Variants in FAM13A observed in about 807,000 individuals in gnomAD.
The protein encoded by FAM13A is family with sequence similarity 13 member A.
Under a neutral mutation model 129.6 loss-of-function variants are expected in FAM13A, and 76 were observed. The ratio of observed to expected loss-of-function variants is 0.59; its 90% CI spans 0.49 to 0.71. FAM13A has a LOEUF of 0.71. FAM13A is among the 30% of genes least tolerant of loss of function. FAM13A has a pLI of 0.00. For missense variants in FAM13A, 1,108 were observed against 1,249.3 expected, an observed-to-expected ratio of 0.89 and a Z score of 1.70; for synonymous variants, 443 against 449.9, an observed-to-expected ratio of 0.98 and a Z score of 0.20.
intron 1 of FAM13A, among the ~76,000 whole-genome samples, chr4:89,041,687 G>A (rs534619829): frequency 1.3e-5 from 2 of 152,216 alleles, no homozygotes; most frequent in African/African-American, 4.8e-5. Context: ...TTGGGAAGCC[G>A]AGGGGGATGG....
chr4:88,851,437 A>T (rs765051753), intron 6 of FAM13A, among the ~76,000 whole-genome samples: 2 of 152,148 alleles, frequency 1.3e-5, no homozygotes, highest in Non-Finnish European at 2.9e-5. Context: ...GAACATTTCT[A>T]TTCTGGCAGA....
rs772000939 is a variant in FAM13A, at chr4:89,020,546, G to C, written c.341C>G (p.Ala114Gly). ...CCTCAGAAACAGCTTCAACAGACTGGCTGCTGAGCAGACATCACCGTCCTT... is the reference window on the plus strand; with the variant it reads ...CCTCAGAAACAGCTTCAACAGACTGCCTGCTGAGCAGACATCACCGTCCTT... ...LGKDGDVCSA[A>G]SLLKLFLREL... is the part of the protein sequence containing the mutation. The change falls in exon 3 of 24, where the codon GCC (alanine) becomes GGC (glycine). Residue 114 changes from alanine (A) to glycine (G), a missense_variant. Ala to Gly is a moderately conservative substitution (Grantham distance 60). Around this residue, in one of 3 missense-constraint regions of FAM13A, gnomAD observed 566 missense variants for 595.7 expected, o/e 0.95. Coordinates refer to ENST00000264344, the MANE Select transcript of FAM13A (RefSeq NM_014883.4). The C allele has an allele frequency of 2.5e-6, 4 of 1,614,014 alleles. No individual in the cohort carries two copies. Among genetic ancestry groups the C allele is most frequent in the Middle Eastern group, 1.7e-4 (1 of 6,058 alleles).
chr4:88,850,934 C>T, intron 7 of FAM13A, 86 bp downstream of exon 7: 1 of 1,195,276 alleles, frequency 8.4e-7, no homozygotes, highest in South Asian at 1.4e-5. Context: ...AGTGGCAGAT[C>T]AATGCAGAAA....
At chr4:88,850,320 C>T (rs1025425909) in intron 7 of FAM13A, among the ~76,000 whole-genome samples, 124 of 151,738 alleles carry the variant, frequency 8.2e-4, no homozygotes, top group African/African-American at 2.7e-3. Context: ...TTTGGGAGGC[C>T]GAGGTAGAGG....
chr4:88,848,321 T>C (rs1236890680), intron 7 of FAM13A, among the ~76,000 whole-genome samples: 3 of 152,242 alleles, frequency 2.0e-5, no homozygotes, highest in Non-Finnish European at 2.9e-5. Flanking sequence ...AGCTGGTCTC[T>C]GGATTCCCTC....
intron 7 of FAM13A, among the ~76,000 whole-genome samples, chr4:88,813,808 A>G (rs922547740): frequency 6.6e-6 from 1 of 152,172 alleles, no homozygotes; most frequent in Admixed American, 6.5e-5. Flanking sequence ...GATGATGAGC[A>G]GCAACTGGAA....
At chr4:88,814,177 A>G (rs189155474) in intron 7 of FAM13A, among the ~76,000 whole-genome samples, 12 of 152,286 alleles carry the variant, frequency 7.9e-5, no homozygotes, top group Admixed American at 7.2e-4. Flanking sequence ...TAGAAAGGTT[A>G]ATTAACAGGC....
chr4:88,938,156 A>T lies in FAM13A; in HGVS notation c.691T>A (p.Phe231Ile). 1 of 1,612,896 alleles carries T rather than the reference A, an allele frequency of 6.2e-7. No individual in the cohort carries two copies. Among genetic ancestry groups the T allele is most frequent in the East Asian group, 2.2e-5 (1 of 44,870 alleles). ...TCATTTTCTGTATACTCTACTTCAAACAGGGTATTGTAATTTTCTAGAATT... is the reference window on the plus strand; with the variant it reads ...TCATTTTCTGTATACTCTACTTCAATCAGGGTATTGTAATTTTCTAGAATT... ...AKILENYNTL[F>I]EVEYTENDHL... The change falls in exon 5 of 24, where the codon TTT (phenylalanine) becomes ATT (isoleucine). Residue 231 changes from phenylalanine (F) to isoleucine (I), a missense_variant. Phe to Ile is a conservative substitution (Grantham distance 21). This residue lies in a region of FAM13A where 566 missense variants were observed against 595.7 expected (regional missense o/e 0.95). Coordinates refer to ENST00000264344, the MANE Select transcript of FAM13A (RefSeq NM_014883.4).
intron 4 of FAM13A, among the ~76,000 whole-genome samples, chr4:88,958,733 C>T (rs1329952238): frequency 3.9e-5 from 6 of 152,188 alleles, no homozygotes; most frequent in Admixed American, 1.3e-4. Flanking sequence ...CCCACTAGGG[C>T]ACTGTCTAGT....
chr4:89,023,689 T>C (rs1023618656), intron 2 of FAM13A, among the ~76,000 whole-genome samples: 1 of 152,190 alleles, frequency 6.6e-6, no homozygotes, highest in African/African-American at 2.4e-5. Flanking sequence ...AACAACTCTT[T>C]TCCCTCAGGA....
chr4:88,816,214 A>G (rs76078651), intron 7 of FAM13A, among the ~76,000 whole-genome samples: 68 of 152,332 alleles, frequency 4.5e-4, no homozygotes, highest in Non-Finnish European at 9.4e-4. Context: ...TGGGAAATAA[A>G]CTAAAAACTA....
chr4:88,803,606 AG>A (rs1321206588), intron 8 of FAM13A, among the ~76,000 whole-genome samples: 1 of 152,216 alleles, frequency 6.6e-6, no homozygotes, highest in Non-Finnish European at 1.5e-5. Flanking sequence ...CGTGCTCAGC[AG>A]CATCCTGATG....
At chr4:88,934,818 A>C (rs1319122652) in intron 5 of FAM13A, among the ~76,000 whole-genome samples, 2 of 152,244 alleles carry the variant, frequency 1.3e-5, no homozygotes, top group Non-Finnish European at 2.9e-5. Flanking sequence ...TATTTGCCAA[A>C]TTCAACAAAA....
intron 17 of FAM13A, 97 bp downstream of exon 17, chr4:88,748,855 G>T: frequency 1.2e-6 from 1 of 863,012 alleles, no homozygotes. Flanking sequence ...TTTAAGGACC[G>T]GGGAATGCCT....
rs1762872944 is a variant in FAM13A at position 88,991,091 on chromosome 4, T to C, written c.487A>G (p.Thr163Ala). The C allele has an allele frequency of 9.9e-6, 16 of 1,613,840 alleles. No individual in the cohort carries two copies. The highest frequency in any genetic ancestry group is 1.3e-5 in the Non-Finnish European group (15 of 1,179,758). The change falls in exon 4 of 24, where the codon ACC becomes GCC. Residue 163 changes from threonine to alanine, a missense_variant. This residue lies in a region of FAM13A where 566 missense variants were observed against 595.7 expected (regional missense o/e 0.95). Transcript: ENST00000264344. The stretch of plus-strand genomic sequence containing the variant: ...AGGTACTTGAGGAGGCAGTAGTGGG[T>C]GTCTGGCAGCTCTTTTATTAAGTCT... ...LRDLIKELPD[T>A]HYCLLKYLCQ...
intron 6 of FAM13A, among the ~76,000 whole-genome samples, chr4:88,892,837 AT>A (rs1370988081): frequency 6.6e-6 from 1 of 152,118 alleles, no homozygotes; most frequent in Non-Finnish European, 1.5e-5. Context: ...AATGCTCATT[AT>A]TTTTTGCTGA....
chr4:88,785,506 C>A (rs1723786790), intron 10 of FAM13A, among the ~76,000 whole-genome samples: 1 of 151,936 alleles, frequency 6.6e-6, no homozygotes, highest in Admixed American at 6.6e-5. Flanking sequence ...AATCTAAGAC[C>A]AAAGAGGAGA....
intron 5 of FAM13A, among the ~76,000 whole-genome samples, chr4:88,925,023 T>C (rs1415781534): frequency 2.1e-4 from 31 of 150,122 alleles, no homozygotes; most frequent in African/African-American, 6.1e-4. Flanking sequence ...TCACACCAGT[T>C]AGAATGGCAA....
intron 3 of FAM13A, among the ~76,000 whole-genome samples, chr4:89,004,533 A>T (rs1347725474): frequency 1.3e-5 from 2 of 152,208 alleles, no homozygotes; most frequent in African/African-American, 4.8e-5. Context: ...CTTAACTCCA[A>T]GTTGAATTCA....
Sources: allele counts gnomAD v4.1 joint callset (sites outside exome capture counted in the v4.1 genomes callset), GRCh38; gene constraint gnomAD v4.1.1; regional missense constraint gnomAD v4.1.1; transcripts MANE v1.5; gene names NCBI Gene and HGNC (gene_info 2026-07-23, HGNC 2026-07-21).